RNF115: variants seen among roughly 807,000 people sequenced by gnomAD.
RNF115 encodes E3 ubiquitin-protein ligase RNF115.
Under a neutral mutation model 39.2 loss-of-function variants are expected in RNF115, and 31 were observed. That is an observed-to-expected ratio of 0.79 (90% CI 0.59 to 1.07). The LOEUF (loss-of-function observed/expected upper bound fraction) is 1.07, where lower values mean the gene tolerates loss of function less well. Ranked by LOEUF, RNF115 falls within the 50% of genes least tolerant of loss-of-function variation. RNF115 has a pLI of 0.00. For synonymous variants in RNF115, 124 were observed against 131.0 expected (o/e 0.95, Z 0.37); for missense variants, 384 against 381.7 (o/e 1.01, Z -0.05).
At position 145,799,919 on chromosome 1, in the gene RNF115, T is replaced by G. The variant is rs182965004; in HGVS notation, c.103-10953A>C. Among the ~76,000 whole-genome samples the G allele has an allele frequency of 1.7e-3, 252 of 152,326 alleles. 1 individual carries two copies. The highest frequency in any genetic ancestry group is 4.8e-3 in the African/African-American group (199 of 41,568). On this transcript the variant is annotated intron_variant, in intron 1 of 8. Transcript: ENST00000582693. Reference sequence around the variant, plus strand: ...ACTGTGGGCTTTTCATAAATACACTTTGATATGCTGAGTTTCCTTCTATTC... The same window carrying G: ...ACTGTGGGCTTTTCATAAATACACTGTGATATGCTGAGTTTCCTTCTATTC...
chr1:145,765,110 A>G (rs1310989949), intron 4 of RNF115, among the ~76,000 whole-genome samples: 2 of 152,166 alleles, frequency 1.3e-5, no homozygotes, highest in South Asian at 2.1e-4. Context: ...CTGTTGATCT[A>G]TGACCTTACC....
In RNF115 at chr1:145,753,030, C is replaced by T. The variant is rs1324783756; in HGVS notation, c.448G>A (p.Ala150Thr). The T allele has an allele frequency of 4.3e-6, 7 of 1,610,604 alleles. No individual in the cohort carries two copies. In the Admixed American group the frequency reaches 1.0e-4, roughly 23 times the overall value. ...AIEGILQHIF[A>T]GFFANSAIPG... is the part of the protein sequence containing the mutation. ...ATGGCAGAATTTGCAAAGAATCCTG[C>T]AAAGATGTGTTGTAGTATTCTGTTA... The change falls in exon 5 of 9, where the codon GCA becomes ACA. Residue 150 changes from alanine to threonine, a missense_variant. Physicochemically the swap from Ala to Thr is moderately conservative, Grantham distance 58. Transcript: ENST00000582693.
At chr1:145,780,638 A>AG (rs1648099514) in intron 3 of RNF115, among the ~76,000 whole-genome samples, 1 of 151,646 alleles carries the variant, frequency 6.6e-6, no homozygotes, top group Non-Finnish European at 1.5e-5. Context: ...AAAAAAAAAA[A>AG]AAAAGTGAAA....
chr1:145,823,842 G>A lies in RNF115; in HGVS notation c.32C>T (p.Ser11Leu), dbSNP rs1553724954. MAEASAAGADSGAAVAAHRFF... is the reference protein window; with the variant it reads MAEASAAGADLGAAVAAHRFF... ...CCGGTGGGCGGCTACAGCGGCGCCC[G>A]AGTCCGCCCCGGCCGCCGAAGCCTC... The change falls in exon 1 of 9, where the codon TCG becomes TTG. Residue 11 changes from serine to leucine, a missense_variant. By Grantham distance (145) the Ser-to-Leu change is moderately radical. Coordinates refer to ENST00000582693, the MANE Select transcript of RNF115 (RefSeq NM_014455.4). 1.3e-6 allele frequency: 2 copies of A among 1,572,840 alleles called. No individual in the cohort carries two copies. The highest frequency in any genetic ancestry group is 1.7e-6 in the Non-Finnish European group (2 of 1,163,900).
intron 1 of RNF115, among the ~76,000 whole-genome samples, chr1:145,789,853 G>C (rs1648580306): frequency 6.6e-6 from 1 of 151,312 alleles, no homozygotes; most frequent in African/African-American, 2.4e-5. Context: ...GGGATTACAA[G>C]CCCCTGGCTA....
intron 6 of RNF115, 60 bp from the exon 7 acceptor site, chr1:145,750,560 G>C: frequency 1.6e-6 from 2 of 1,287,664 alleles, no homozygotes; most frequent in Non-Finnish European, 2.3e-6. Context: ...CCTGGAGAGG[G>C]AACTGCTCCA....
At position 145,741,645 on chromosome 1, in the gene RNF115, C is replaced by T. The variant is rs1409443587; in HGVS notation, c.*5221G>A. ...CTACATGAGATTCATTCGGGAAATT[C>T]TCAACAAGAGGACTCTATCCTATAA... is the stretch of plus-strand genomic sequence containing the variant. On this transcript the variant is annotated 3_prime_UTR_variant, in exon 9 of 9. Transcript: ENST00000582693. The T allele has an allele frequency of 6.6e-6, 1 of 152,202 alleles. No homozygotes were observed. The highest frequency in any genetic ancestry group is 1.9e-4 in the East Asian group (1 of 5,226). 9.4% of individuals were successfully genotyped at this position (152,202 alleles called of 1,614,324 possible). A position where few individuals can be genotyped will look rare whatever the true frequency, so the allele number is the denominator to read the frequency against.
chr1:145,808,023 G>C (rs4388643), intron 1 of RNF115, among the ~76,000 whole-genome samples: 126,953 of 152,148 alleles, frequency 0.83, 53,201 homozygotes, highest in African/African-American at 0.89. Context: ...GGCACGACTT[G>C]ATTCTTTCTT....
At chr1:145,803,606 T>C (rs1649343376) in intron 1 of RNF115, among the ~76,000 whole-genome samples, 2 of 152,220 alleles carry the variant, frequency 1.3e-5, no homozygotes, top group Admixed American at 1.3e-4. Flanking sequence ...CAGGCTGGTG[T>C]TGAACTCCTG....
In RNF115 at chr1:145,739,008, A is replaced by G. The variant is rs972029382; in HGVS notation, c.*7858T>C. 6.5e-6 allele frequency: 1 copy of G among 153,928 alleles called. No individual in the cohort carries two copies. The highest frequency in any genetic ancestry group is 6.5e-5 in the Admixed American group (1 of 15,292). 9.5% of individuals were successfully genotyped at this position (153,928 alleles called of 1,614,324 possible). On this transcript the variant is annotated 3_prime_UTR_variant, in exon 9 of 9. Transcript: ENST00000582693. ...TGAGAAAATGCAGACAGACCTCAAC[A>G]TTCAACAACATCCATACAGCACTGC...
chr1:145,762,858 AG>A (rs1471041049), intron 4 of RNF115, among the ~76,000 whole-genome samples: 2 of 152,232 alleles, frequency 1.3e-5, no homozygotes, highest in Non-Finnish European at 2.9e-5. Flanking sequence ...TGTCCTTTGC[AG>A]CAACATGAAT....
chr1:145,756,840 T>C (rs1376287214), intron 4 of RNF115, among the ~76,000 whole-genome samples: 28 of 141,258 alleles, frequency 2.0e-4, no homozygotes, highest in Admixed American at 2.0e-3. Flanking sequence ...TCTTTTTTTT[T>C]TTTTTTTTTT....
At chr1:145,764,842 TG>T (rs1272131102) in intron 4 of RNF115, among the ~76,000 whole-genome samples, 1 of 148,528 alleles carries the variant, frequency 6.7e-6, no homozygotes, top group Middle Eastern at 3.3e-3. Flanking sequence ...GTCCGGGAGG[TG>T]GGGGGTGCCT....
At chr1:145,791,374 T>C (rs1226943529) in intron 1 of RNF115, among the ~76,000 whole-genome samples, 5 of 146,090 alleles carry the variant, frequency 3.4e-5, no homozygotes, top group Non-Finnish European at 7.5e-5. Context: ...AAATTAGCCA[T>C]GGTGGCACAT....
chr1:145,794,502 CTTTTTTTTTTTTTT>C (rs57242475), intron 1 of RNF115, among the ~76,000 whole-genome samples: 1 of 81,098 alleles, frequency 1.2e-5, no homozygotes, highest in Non-Finnish European at 2.2e-5. Flanking sequence ...TAATCTCTTT[CTTTTTTTTTTTTTT>C]TTTTTTTTTT....
chr1:145,756,457 CA>C (rs58903363), intron 4 of RNF115, among the ~76,000 whole-genome samples: 3 of 139,078 alleles, frequency 2.2e-5, no homozygotes, highest in Non-Finnish European at 3.1e-5. Flanking sequence ...GAGACTGTCT[CA>C]AAAAAAAAAC....
At chr1:145,779,796 G>A (rs989953697) in intron 3 of RNF115, among the ~76,000 whole-genome samples, 5 of 151,868 alleles carry the variant, frequency 3.3e-5, no homozygotes, top group African/African-American at 1.2e-4. Flanking sequence ...CCGAATAGCT[G>A]GGATTACAGG....
intron 1 of RNF115, among the ~76,000 whole-genome samples, chr1:145,790,384 C>A (rs1230835973): frequency 6.6e-6 from 1 of 151,802 alleles, no homozygotes; most frequent in African/African-American, 2.4e-5. Context: ...AGGTGATCCC[C>A]CTGCCTCAGC....
intron 1 of RNF115, among the ~76,000 whole-genome samples, chr1:145,814,300 G>A (rs587741501): frequency 8.0e-4 from 116 of 145,894 alleles, no homozygotes; most frequent in African/African-American, 3.1e-3. Flanking sequence ...TTTGCCAAAT[G>A]TTCCCTGGGA....
Sources: gnomAD v4.1 joint callset for allele counts (sites outside exome capture counted in the v4.1 genomes callset) on GRCh38, gnomAD v4.1.1 for gene constraint, MANE v1.5 for transcripts, NCBI Gene and HGNC (gene_info 2026-07-23, HGNC 2026-07-21) for gene names.